AP1G1: variants seen among roughly 807,000 people sequenced by gnomAD.
AP1G1 encodes adaptor related protein complex 1 subunit gamma 1, also known as AP-1 complex subunit gamma-1.
In AP1G1, 7 loss-of-function variants were observed where a neutral mutation model predicts 108.3. That is an observed-to-expected ratio of 0.06 (90% CI 0.04 to 0.12). AP1G1 has a LOEUF of 0.12. Among genes scored for constraint, AP1G1 ranks in the 10% least tolerant of loss-of-function variants. The pLI, the probability that AP1G1 is intolerant of heterozygous loss-of-function variation, is 1.00. For synonymous variants in AP1G1, 379 were observed against 353.5 expected (o/e 1.07, Z -0.81); for missense variants, 756 against 1,010.7 (o/e 0.75, Z 3.42).
At chr16:71,750,866 T>C (rs2030456482) in intron 13 of AP1G1, among the ~76,000 whole-genome samples, 1 of 151,884 alleles carries the variant, frequency 6.6e-6, no homozygotes, top group South Asian at 2.1e-4. Flanking sequence ...AATTTTCTCT[T>C]TGTCCAAAGG....
rs543430266 is a variant in AP1G1, at chr16:71,755,901, C to A, written c.1229+118G>T. 341 of 1,141,588 alleles carry A rather than the reference C, an allele frequency of 3.0e-4. 3 individuals carry two copies. In the Middle Eastern group the frequency reaches 3.9e-3, roughly 13 times the overall value. The allele number at this position is 1,141,588 out of a possible 1,614,324, so 70.7% of individuals were successfully genotyped here. A position where few individuals can be genotyped will look rare whatever the true frequency, so the allele number is the denominator to read the frequency against. On this transcript the variant is annotated intron_variant, in intron 12 of 22. Coordinates refer to ENST00000299980, the MANE Select transcript of AP1G1 (RefSeq NM_001128.6). ...CTTCATGATCCACCTGCCTTGGCCTCCCAAACTGCTGAGACTGCAGGCGTG... is the reference window on the plus strand; with the variant it reads ...CTTCATGATCCACCTGCCTTGGCCTACCAAACTGCTGAGACTGCAGGCGTG...
At chr16:71,800,715 G>C (rs376609414) in intron 1 of AP1G1, among the ~76,000 whole-genome samples, 3 of 151,876 alleles carry the variant, frequency 2.0e-5, no homozygotes, top group African/African-American at 7.2e-5. Flanking sequence ...GCAGGAGAAT[G>C]GCGTGAACCT....
intron 3 of AP1G1, 113 bp from the exon 4 acceptor site, chr16:71,773,475 G>T: frequency 1.9e-6 from 2 of 1,070,300 alleles, no homozygotes; most frequent in Non-Finnish European, 2.5e-6. Flanking sequence ...AAAAACAATA[G>T]GATTATTTGT....
intron 15 of AP1G1, among the ~76,000 whole-genome samples, chr16:71,749,031 C>G (rs1409832326): frequency 6.6e-6 from 1 of 152,050 alleles, no homozygotes; most frequent in African/African-American, 2.4e-5. Flanking sequence ...CTCAGCCTCC[C>G]GAGTAGCTGG....
chr16:71,732,988 A>C lies in AP1G1; in HGVS notation c.*70T>G. 7.7e-7 allele frequency: 1 copy of C among 1,290,838 alleles called. No individual in the cohort carries two copies. Among genetic ancestry groups the C allele is most frequent in the Non-Finnish European group, 1.1e-6 (1 of 903,472 alleles). 80.0% of individuals were successfully genotyped at this position (1,290,838 alleles called of 1,614,324 possible). ...GTGGTACAGTTGGGGGGGACTTGCC[A>C]GCAATCACAACCTCCTTCCCAGAGT... On this transcript the variant is annotated 3_prime_UTR_variant, in exon 23 of 23. Transcript: ENST00000299980.
At chr16:71,799,044 C>T (rs2032691053) in intron 1 of AP1G1, among the ~76,000 whole-genome samples, 1 of 151,962 alleles carries the variant, frequency 6.6e-6, no homozygotes, top group Non-Finnish European at 1.5e-5. Flanking sequence ...AAAGGAAATC[C>T]AATGGCTATT....
rs546526748 is a variant in AP1G1 at position 71,750,558 on chromosome 16, G to T, written c.1285-226C>A. ...GCCTCCCAAGTAGCTGGGACTACAG[G>T]TACATGCCACCACACCTGGCTAATT... On this transcript the variant is annotated intron_variant, in intron 13 of 22. Transcript: ENST00000299980. 5 of 424,376 alleles carry T rather than the reference G, an allele frequency of 1.2e-5. No homozygotes were observed. The East Asian group carries it at 2.4e-4, about 21-fold the overall frequency. The allele number at this position is 424,376 out of a possible 1,614,324, so 26.3% of individuals were successfully genotyped here.
In AP1G1 at chr16:71,773,509, T is replaced by C. The variant is rs190315774; in HGVS notation, c.327-147A>G. 3.4e-5 allele frequency: 26 copies of C among 774,850 alleles called. No homozygotes were observed. The East Asian group carries it at 8.2e-4, about 24-fold the overall frequency. 48.0% of individuals were successfully genotyped at this position (774,850 alleles called of 1,614,324 possible). ...GTTGCAGAAAATGTTTATCCCAACTTTATTACAAATTATCAATATAGTAAA... is the reference window on the plus strand; with the variant it reads ...GTTGCAGAAAATGTTTATCCCAACTCTATTACAAATTATCAATATAGTAAA... On this transcript the variant is annotated intron_variant, in intron 3 of 22. Coordinates refer to ENST00000299980, the MANE Select transcript of AP1G1 (RefSeq NM_001128.6).
chr16:71,761,399 G>A (rs545817734), intron 10 of AP1G1, 113 bp downstream of exon 10: 6 of 787,564 alleles, frequency 7.6e-6, no homozygotes, highest in Non-Finnish European at 1.1e-5. Flanking sequence ...TAAAAATTCT[G>A]AGCTAAAAGT....
At chr16:71,808,603 G>GCTC in intron 1 of AP1G1, 160 bp downstream of exon 1, 1 of 1,289,596 alleles carries the variant, frequency 7.8e-7, no homozygotes, top group Non-Finnish European at 1.0e-6. Context: ...AGCCCCTGGG[G>GCTC]CTCCCGGCCT....
At chr16:71,749,720 G>C (rs1266221587) in intron 15 of AP1G1, among the ~76,000 whole-genome samples, 174 bp downstream of exon 15, 2 of 151,822 alleles carry the variant, frequency 1.3e-5, no homozygotes, top group African/African-American at 2.4e-5. Context: ...CAAACTCCTG[G>C]GCTCAAGCGA....
chr16:71,748,895 GTTTTGTTTTTT>G (rs1019081693), intron 15 of AP1G1, among the ~76,000 whole-genome samples: 1 of 151,116 alleles, frequency 6.6e-6, no homozygotes, highest in Non-Finnish European at 1.5e-5. Context: ...GCTCACACCT[GTTTTGTTTTTT>G]TTTTGTTTTT....
At chr16:71,785,611 A>G (rs1194256610) in intron 2 of AP1G1, among the ~76,000 whole-genome samples, 3 of 145,592 alleles carry the variant, frequency 2.1e-5, no homozygotes, top group Non-Finnish European at 4.5e-5. Context: ...TGGGCTGGGA[A>G]TGGTGGCTCA....
chr16:71,755,555 A>G (rs953586401), intron 12 of AP1G1, among the ~76,000 whole-genome samples: 3 of 152,260 alleles, frequency 2.0e-5, no homozygotes, highest in African/African-American at 4.8e-5. Flanking sequence ...AATGCTGGCT[A>G]TAATAGCCTT....
At chr16:71,792,133 A>G (rs2032425993) in intron 1 of AP1G1, among the ~76,000 whole-genome samples, 1 of 152,250 alleles carries the variant, frequency 6.6e-6, no homozygotes, top group South Asian at 2.1e-4. Flanking sequence ...TTCGGAGTCA[A>G]TAAACTAGAG....
At chr16:71,783,157 G>A (rs1289567763) in intron 2 of AP1G1, among the ~76,000 whole-genome samples, 1 of 152,110 alleles carries the variant, frequency 6.6e-6, no homozygotes, top group Non-Finnish European at 1.5e-5. Flanking sequence ...TATTACTGTA[G>A]AGCATTTGTT....
chr16:71,776,664 A>C (rs1256942792), intron 2 of AP1G1, among the ~76,000 whole-genome samples: 1 of 152,256 alleles, frequency 6.6e-6, no homozygotes, highest in East Asian at 1.9e-4. Context: ...TACTTCTGAC[A>C]AACTCCAAGC....
At chr16:71,735,229 T>C (rs375179938) in intron 21 of AP1G1, among the ~76,000 whole-genome samples, 6 of 152,356 alleles carry the variant, frequency 3.9e-5, no homozygotes, top group African/African-American at 1.4e-4. Context: ...ATCTATAATG[T>C]GTCAGAGCCT....
intron 1 of AP1G1, among the ~76,000 whole-genome samples, chr16:71,794,265 T>C (rs1200658204): frequency 6.6e-6 from 1 of 152,200 alleles, no homozygotes; most frequent in African/African-American, 2.4e-5. Flanking sequence ...TTTCTCCATT[T>C]ACATATAACC....
Sources: gnomAD v4.1 joint callset for allele counts (sites outside exome capture counted in the v4.1 genomes callset) on GRCh38, gnomAD v4.1.1 for gene constraint, MANE v1.5 for transcripts, NCBI Gene and HGNC (gene_info 2026-07-23, HGNC 2026-07-21) for gene names.